TRAF3IP1: variants seen among roughly 807,000 people sequenced by gnomAD.
The protein encoded by TRAF3IP1 is TRAF3-interacting protein 1.
A neutral mutation model predicts 89.9 loss-of-function variants in TRAF3IP1; 53 were observed. That is an observed-to-expected ratio of 0.59 (90% CI 0.47 to 0.74). The LOEUF is 0.74. Ranked by LOEUF, TRAF3IP1 falls within the 30% of genes least tolerant of loss-of-function variation. The probability of loss-of-function intolerance (pLI) is 0.00; values close to 1 mark genes in which losing one functional copy is unlikely to be tolerated. For missense variants in TRAF3IP1, 806 were observed against 866.1 expected, an observed-to-expected ratio of 0.93 and a Z score of 0.87; for synonymous variants, 311 against 322.1, an observed-to-expected ratio of 0.97 and a Z score of 0.37.
rs568274267 is a variant in TRAF3IP1, at chr2:238,358,383, A to T, written c.1689+2303A>T. Among the ~76,000 whole-genome samples the T allele has an allele frequency of 1.4e-4, 22 of 152,270 alleles. No homozygotes were observed. The South Asian group carries it at 4.4e-3, about 30-fold the overall frequency. ...CAATCCCCTTTCTACTAAGAATGCA[A>T]ACATTAGCTGGGCATGGTGGTGCAC... is the stretch of plus-strand genomic sequence containing the variant. On this transcript the variant is annotated intron_variant, in intron 15 of 16. Transcript: ENST00000373327.
At chr2:238,322,312 T>C (rs1319077317) in intron 1 of TRAF3IP1, among the ~76,000 whole-genome samples, 1 of 152,118 alleles carries the variant, frequency 6.6e-6, no homozygotes, top group Non-Finnish European at 1.5e-5. Context: ...GCCTTATCCT[T>C]GTGGGGCAGT....
chr2:238,333,703 G>A (rs1025533906), intron 6 of TRAF3IP1, among the ~76,000 whole-genome samples: 1 of 152,190 alleles, frequency 6.6e-6, no homozygotes, highest in African/African-American at 2.4e-5. Flanking sequence ...CTCAAAGTGT[G>A]GGGAGCAGAT....
intron 15 of TRAF3IP1, among the ~76,000 whole-genome samples, chr2:238,378,976 TC>T (rs1431370535): frequency 2.6e-5 from 4 of 152,192 alleles, no homozygotes; most frequent in Non-Finnish European, 5.9e-5. Context: ...GAGGGTCCAG[TC>T]CTTCTTTGGT....
At position 238,351,622 on chromosome 2, in the gene TRAF3IP1, C is replaced by T. The variant is rs1421306382; in HGVS notation, c.1452-1205C>T. On this transcript the variant is annotated intron_variant, in intron 12 of 16. Transcript: ENST00000373327. This position sits in a 1 kb window ranked among gnomAD's most constrained non-coding sequence, Gnocchi z 5.2. Reference sequence around the variant, plus strand: ...TGCTGGGAGCGTGAGAGACGAGGGACGGGAGCCTGGACTTCCTGGTACTGA... The same window carrying T: ...TGCTGGGAGCGTGAGAGACGAGGGATGGGAGCCTGGACTTCCTGGTACTGA... Among the ~76,000 whole-genome samples, 2 of 152,030 alleles carry T rather than the reference C, an allele frequency of 1.3e-5. No homozygotes were observed. The highest frequency in any genetic ancestry group is 2.4e-5 in the African/African-American group (1 of 41,384).
At chr2:238,342,752 A>G (rs1002571680) in intron 8 of TRAF3IP1, among the ~76,000 whole-genome samples, 1 of 152,232 alleles carries the variant, frequency 6.6e-6, no homozygotes, top group Admixed American at 6.5e-5. Flanking sequence ...AGTAAAATAT[A>G]AATAACTGTT....
In TRAF3IP1 at chr2:238,329,015, A is replaced by G; in HGVS notation, c.588A>G (p.Glu196=). 6.4e-7 allele frequency: 1 copy of G among 1,551,884 alleles called. No homozygotes were observed. The change falls in exon 5 of 17, where the codon GAA becomes GAG. Residue 196 remains glutamate, a synonymous_variant. Transcript: ENST00000373327. ...EELKEDRKPR[E]KDKDKEKAKE... ...TGAAAGAAGACCGCAAGCCAAGAGA[A>G]AAGGACAAGGACAAGGAGAAGGCCA...
rs145202993 is a variant in TRAF3IP1, at chr2:238,340,812, C to CAT, written c.1159+2355_1159+2356insAT. 7.0e-4 allele frequency among the ~76,000 whole-genome samples: 105 copies of CAT among 149,412 alleles called. 1 individual carries two copies. Among genetic ancestry groups the CAT allele is most frequent in the African/African-American group, 2.4e-3 (98 of 40,320 alleles). ...CCATTTTGCTTAATGTACAGTTATG[C>CAT]GTGTGTGTGTGTGTGTGTGTGTATA... is the stretch of plus-strand genomic sequence containing the variant. On this transcript the variant is annotated intron_variant, in intron 8 of 16. Transcript: ENST00000373327.
At position 238,344,758 on chromosome 2, in the gene TRAF3IP1, A is replaced by G. The variant is rs542472031; in HGVS notation, c.1261+160A>G. The G allele has an allele frequency of 5.6e-6, 4 of 713,562 alleles. No homozygotes were observed. In the East Asian group the frequency reaches 8.1e-5, roughly 14 times the overall value. The allele number at this position is 713,562 out of a possible 1,614,324, so 44.2% of individuals were successfully genotyped here. ...TCACTTCTGCCTTTTTGCATAAACT[A>G]GAATCGAACATGGTGGTTTCTTGAT... On this transcript the variant is annotated intron_variant, in intron 9 of 16. Transcript: ENST00000373327.
chr2:238,335,864 A>G (rs1454871153), intron 7 of TRAF3IP1, among the ~76,000 whole-genome samples: 2 of 151,300 alleles, frequency 1.3e-5, no homozygotes, highest in Non-Finnish European at 2.9e-5. Flanking sequence ...CAGTGGCGCA[A>G]TCATGGCTCA....
At chr2:238,383,497 G>A (rs1559391791) in intron 15 of TRAF3IP1, among the ~76,000 whole-genome samples, 3 of 152,206 alleles carry the variant, frequency 2.0e-5, no homozygotes, top group Non-Finnish European at 2.9e-5. Flanking sequence ...ACACCGTGGC[G>A]TTTCCCTAGG....
At chr2:238,370,873 C>A (rs972169560) in intron 15 of TRAF3IP1, among the ~76,000 whole-genome samples, 3 of 152,150 alleles carry the variant, frequency 2.0e-5, no homozygotes, top group African/African-American at 7.2e-5. Context: ...AGGTGAAAAA[C>A]GAAGCTATGT....
At chr2:238,370,481 C>T (rs1197199227) in intron 15 of TRAF3IP1, among the ~76,000 whole-genome samples, 1 of 152,064 alleles carries the variant, frequency 6.6e-6, no homozygotes, top group Non-Finnish European at 1.5e-5. Context: ...GTGCAAATGT[C>T]TGTGCCCTCC....
At chr2:238,354,458 CT>C (rs1345859416) in intron 14 of TRAF3IP1, among the ~76,000 whole-genome samples, 1 of 152,048 alleles carries the variant, frequency 6.6e-6, no homozygotes, top group Non-Finnish European at 1.5e-5. Flanking sequence ...TGCCTGCATT[CT>C]TTGGTTTTAT....
At chr2:238,380,390 G>T (rs148586007) in intron 15 of TRAF3IP1, among the ~76,000 whole-genome samples, 2 of 152,292 alleles carry the variant, frequency 1.3e-5, no homozygotes, top group Admixed American at 6.5e-5. Flanking sequence ...TCATGCCCAG[G>T]AAGGGAAGGT....
intron 7 of TRAF3IP1, among the ~76,000 whole-genome samples, chr2:238,337,532 G>C (rs78413181): frequency 6.6e-6 from 1 of 152,238 alleles, no homozygotes; most frequent in East Asian, 1.9e-4. Flanking sequence ...GTTGTAGAAG[G>C]CCTCCTTTTA....
intron 5 of TRAF3IP1, among the ~76,000 whole-genome samples, chr2:238,331,664 C>T (rs974388403): frequency 4.0e-5 from 6 of 151,898 alleles, no homozygotes; most frequent in Admixed American, 2.0e-4. Context: ...TTGTGCTTGC[C>T]AGGCTCTTCT....
At chr2:238,333,612 T>A (rs113621116) in intron 6 of TRAF3IP1, among the ~76,000 whole-genome samples, 2 of 152,354 alleles carry the variant, frequency 1.3e-5, no homozygotes, top group African/African-American at 4.8e-5. Context: ...CCTTCTGAGT[T>A]GCTTACAAGT....
At chr2:238,396,736 C>T (rs1328264117) in intron 15 of TRAF3IP1, among the ~76,000 whole-genome samples, 1 of 152,140 alleles carries the variant, frequency 6.6e-6, no homozygotes, top group African/African-American at 2.4e-5. Flanking sequence ...CCCCACTCGT[C>T]TCTGCGTCCT....
At chr2:238,376,726 T>C (rs1700331724) in intron 15 of TRAF3IP1, among the ~76,000 whole-genome samples, 1 of 152,358 alleles carries the variant, frequency 6.6e-6, no homozygotes, top group African/African-American at 2.4e-5. Context: ...TTATTTAAAA[T>C]TGTTTTCTAG....
Sources: gnomAD v4.1 joint callset for allele counts (sites outside exome capture counted in the v4.1 genomes callset) on GRCh38, gnomAD v4.1.1 for gene constraint, Gnocchi (gnomAD v3.1) non-coding constraint, MANE v1.5 for transcripts, NCBI Gene and HGNC (gene_info 2026-07-23, HGNC 2026-07-21) for gene names.